HUNK: variants seen among roughly 807,000 people sequenced by gnomAD.
The protein encoded by HUNK is hormonally up-regulated Neu-associated kinase, also known as hormonally up-regulated neu tumor-associated kinase.
A neutral mutation model predicts 61.0 loss-of-function variants in HUNK; 21 were observed. That is an observed-to-expected ratio of 0.34 (90% CI 0.24 to 0.50). The LOEUF (loss-of-function observed/expected upper bound fraction) is 0.50. HUNK is among the 20% of genes least tolerant of loss of function. The pLI, the probability that HUNK is intolerant of heterozygous loss-of-function variation, is 0.98. For missense variants in HUNK, 772 were observed against 945.7 expected (o/e 0.82, Z 2.41); for synonymous variants, 371 against 386.1 (o/e 0.96, Z 0.46).
intron 9 of HUNK, among the ~76,000 whole-genome samples, chr21:31,991,020 A>G (rs2053168853): frequency 1.3e-5 from 2 of 152,174 alleles, no homozygotes; most frequent in South Asian, 4.1e-4. Context: ...CAGAATTAAA[A>G]CATGCAGAAT....
chr21:31,904,516 T>C lies in HUNK; in HGVS notation c.262-19952T>C, dbSNP rs147976327. Among the ~76,000 whole-genome samples the C allele has an allele frequency of 3.9e-3, 592 of 152,302 alleles. 5 individuals carry two copies. The highest frequency in any genetic ancestry group is 0.013 in the African/African-American group (560 of 41,580). On this transcript the variant is annotated intron_variant, in intron 1 of 10. Coordinates refer to ENST00000270112, the MANE Select transcript of HUNK (RefSeq NM_014586.2). ...GCTTAAAATCGTATTTAGAAAGTCA[T>C]AAGCTGGGAAAACATGTGACAGAGA... is the stretch of plus-strand genomic sequence containing the variant.
chr21:31,886,633 G>A (rs1255394806), intron 1 of HUNK, among the ~76,000 whole-genome samples: 1 of 151,704 alleles, frequency 6.6e-6, no homozygotes, highest in African/African-American at 2.4e-5. Context: ...GCCAAGAATA[G>A]TTTCTGGTAC....
intron 5 of HUNK, among the ~76,000 whole-genome samples, chr21:31,966,438 G>A (rs1015902679): frequency 2.6e-5 from 4 of 152,206 alleles, no homozygotes; most frequent in Non-Finnish European, 4.4e-5. Flanking sequence ...CCTTTGGGTA[G>A]ATACCCAGTA....
chr21:31,998,250 C>T (rs931003535), intron 10 of HUNK, among the ~76,000 whole-genome samples: 7 of 152,288 alleles, frequency 4.6e-5, no homozygotes, highest in South Asian at 2.1e-4. Flanking sequence ...AAAGCAGGGA[C>T]GATGTTAGGC....
intron 1 of HUNK, among the ~76,000 whole-genome samples, chr21:31,915,054 A>ATTTTTT (rs5843533): frequency 7.5e-5 from 11 of 146,648 alleles, no homozygotes; most frequent in Non-Finnish European, 9.0e-5. Context: ...TAGATTTGGG[A>ATTTTTT]TTTTTTTTTT....
intron 4 of HUNK, among the ~76,000 whole-genome samples, chr21:31,957,098 G>A (rs1326508166): frequency 2.6e-5 from 4 of 152,110 alleles, no homozygotes; most frequent in South Asian, 2.1e-4. Context: ...TCCCTTCATT[G>A]CACTCCTCTT....
intron 10 of HUNK, 115 bp from the exon 11 acceptor site, chr21:31,998,411 C>T: frequency 9.6e-7 from 1 of 1,045,926 alleles, no homozygotes; most frequent in Non-Finnish European, 1.4e-6. Flanking sequence ...CGGTTGGTTT[C>T]TTCTGACCTT....
intron 2 of HUNK, among the ~76,000 whole-genome samples, chr21:31,938,812 G>A (rs1033476232): frequency 2.6e-5 from 4 of 152,162 alleles, no homozygotes; most frequent in Non-Finnish European, 5.9e-5. Flanking sequence ...TAACATTCAA[G>A]GTATGCCTGC....
At chr21:31,911,848 C>T (rs998887889) in intron 1 of HUNK, among the ~76,000 whole-genome samples, 1 of 152,090 alleles carries the variant, frequency 6.6e-6, no homozygotes, top group African/African-American at 2.4e-5. Context: ...CTCCCCATGT[C>T]CTGTCCCCAA....
intron 2 of HUNK, among the ~76,000 whole-genome samples, chr21:31,932,947 C>T (rs2052708297): frequency 6.9e-6 from 1 of 145,624 alleles, no homozygotes; most frequent in African/African-American, 2.6e-5. Flanking sequence ...GAGTCTTGCT[C>T]AATCCCCCAG....
chr21:31,915,778 C>T (rs1237378243), intron 1 of HUNK, among the ~76,000 whole-genome samples: 1 of 152,162 alleles, frequency 6.6e-6, no homozygotes, highest in Non-Finnish European at 1.5e-5. Flanking sequence ...ATGAGAGACT[C>T]GCCTGATAGG....
chr21:31,955,179 C>T (rs570516615), intron 4 of HUNK, among the ~76,000 whole-genome samples: 1 of 152,228 alleles, frequency 6.6e-6, no homozygotes, highest in East Asian at 1.9e-4. Context: ...AGACTTTCCA[C>T]TGACAGAAGC....
chr21:31,984,237 A>C (rs1291163127), intron 8 of HUNK, among the ~76,000 whole-genome samples: 2 of 152,196 alleles, frequency 1.3e-5, no homozygotes, highest in African/African-American at 4.8e-5. Context: ...AGAATTTTGA[A>C]TGTTCCCAAT....
At chr21:31,886,159 C>A (rs1047451082) in intron 1 of HUNK, among the ~76,000 whole-genome samples, 1 of 152,186 alleles carries the variant, frequency 6.6e-6, no homozygotes, top group Non-Finnish European at 1.5e-5. Context: ...CAGTGGCTCA[C>A]GCCTATAATC....
At position 31,976,147 on chromosome 21, in the gene HUNK, G is replaced by T. The variant is rs115363769; in HGVS notation, c.1173+1430G>T. 9.9e-3 allele frequency among the ~76,000 whole-genome samples: 1,509 copies of T among 152,222 alleles called. 40 individuals are homozygous for T. Among genetic ancestry groups the T allele is most frequent in the African/African-American group, 0.034 (1,432 of 41,524 alleles). ...CAATGTTTTATGGGGGAAAAAACGTGGTCTGTATGATGGGGTGGCACCTCT... is the reference window on the plus strand; with the variant it reads ...CAATGTTTTATGGGGGAAAAAACGTTGTCTGTATGATGGGGTGGCACCTCT... On this transcript the variant is annotated intron_variant, in intron 7 of 10. Coordinates refer to ENST00000270112, the MANE Select transcript of HUNK (RefSeq NM_014586.2).
intron 1 of HUNK, among the ~76,000 whole-genome samples, chr21:31,886,636 T>G (rs2052347949): frequency 6.6e-6 from 1 of 152,028 alleles, no homozygotes. Flanking sequence ...AAGAATAGTT[T>G]CTGGTACAGA....
chr21:31,926,038 C>A (rs2052657271), intron 2 of HUNK, among the ~76,000 whole-genome samples: 1 of 152,106 alleles, frequency 6.6e-6, no homozygotes, highest in Non-Finnish European at 1.5e-5. Context: ...CCTGTGTCAC[C>A]CACCCTAGTA....
chr21:31,901,627 AC>A (rs1462663517), intron 1 of HUNK, among the ~76,000 whole-genome samples: 2 of 152,154 alleles, frequency 1.3e-5, no homozygotes, highest in Admixed American at 6.5e-5. Context: ...CTTGTAGCTC[AC>A]CTGTTCTGTT....
chr21:31,888,176 A>G (rs987473788), intron 1 of HUNK, among the ~76,000 whole-genome samples: 3 of 152,144 alleles, frequency 2.0e-5, no homozygotes, highest in Non-Finnish European at 4.4e-5. Flanking sequence ...ATAATGCCAA[A>G]ACCACATTCA....
Sources: gnomAD v4.1 joint callset for allele counts (sites outside exome capture counted in the v4.1 genomes callset) on GRCh38, gnomAD v4.1.1 for gene constraint, MANE v1.5 for transcripts, NCBI Gene and HGNC (gene_info 2026-07-23, HGNC 2026-07-21) for gene names.